The following SUFU variants were observed in gnomAD, a reference collection of about 807,000 sequenced individuals.
SUFU encodes the protein SUFU negative regulator of hedgehog signaling, also known as suppressor of fused homolog.
Under a neutral mutation model 58.9 loss-of-function variants are expected in SUFU, and 7 were observed. That is an observed-to-expected ratio of 0.12 (90% CI 0.07 to 0.22). SUFU has a LOEUF of 0.22. SUFU is among the 10% of genes least tolerant of loss of function. The probability of loss-of-function intolerance (pLI) is 1.00; values close to 1 mark genes in which losing one functional copy is unlikely to be tolerated. For missense variants in SUFU, 451 were observed against 641.3 expected (o/e 0.70, Z 3.20); for synonymous variants, 232 against 254.8 (o/e 0.91, Z 0.85).
In SUFU at chr10:102,612,266, G is replaced by A. The variant is rs527587597; in HGVS notation, c.1023-3002G>A. Among the ~76,000 whole-genome samples the A allele has an allele frequency of 3.8e-3, 584 of 151,768 alleles. 2 individuals carry two copies. The highest frequency in any genetic ancestry group is 0.013 in the African/African-American group (552 of 41,372). ...CGCGTTTCCATCGAAGCAGCATGCCGGAAATACCCAAGCTCCAGGACTGCA... is the reference window on the plus strand; with the variant it reads ...CGCGTTTCCATCGAAGCAGCATGCCAGAAATACCCAAGCTCCAGGACTGCA... On this transcript the variant is annotated intron_variant, in intron 8 of 11. Coordinates refer to ENST00000369902, the MANE Select transcript of SUFU (RefSeq NM_016169.4).
chr10:102,619,443 G>A lies in SUFU; in HGVS notation c.1296+2015G>A, dbSNP rs2063721269. 2 of 1,307,948 alleles carry A rather than the reference G, an allele frequency of 1.5e-6. No individual in the cohort carries two copies. The highest frequency in any genetic ancestry group is 2.0e-6 in the Non-Finnish European group (2 of 1,020,530). The allele number at this position is 1,307,948 out of a possible 1,614,324, so 81.0% of individuals were successfully genotyped here. A position where few individuals can be genotyped will look rare whatever the true frequency, so the allele number is the denominator to read the frequency against. On this transcript the variant is annotated intron_variant, in intron 10 of 11. Coordinates refer to ENST00000369902, the MANE Select transcript of SUFU (RefSeq NM_016169.4). This position sits in a 1 kb window ranked among gnomAD's most constrained non-coding sequence, Gnocchi z 4.2. ...GGCCTCGGCATGTTTCAATAAAGTT[G>A]CTGTGCTGGGAGCTACTCAATCAAA...
At chr10:102,626,823 T>A (rs950420964) in intron 10 of SUFU, among the ~76,000 whole-genome samples, 8 of 152,152 alleles carry the variant, frequency 5.3e-5, no homozygotes, top group Non-Finnish European at 1.0e-4. Flanking sequence ...TTTTTTCCTT[T>A]TAATTTTTCT....
chr10:102,568,921 C>T (rs7090733), intron 3 of SUFU, among the ~76,000 whole-genome samples: 1,067 of 9,084 alleles, frequency 0.12, 26 homozygotes, highest in Middle Eastern at 0.2. Flanking sequence ...TATATATATA[C>T]ACATATATAT....
chr10:102,589,742 G>A (rs1055714059), intron 3 of SUFU, among the ~76,000 whole-genome samples: 28 of 152,154 alleles, frequency 1.8e-4, no homozygotes, highest in African/African-American at 6.7e-4. Context: ...CACCACACCT[G>A]GCCTTTTATT....
chr10:102,515,362 G>T (rs560738696), intron 2 of SUFU, among the ~76,000 whole-genome samples: 1 of 149,238 alleles, frequency 6.7e-6, no homozygotes, highest in South Asian at 2.1e-4. Context: ...TGTCACCCAG[G>T]CTGGAGTGCA....
intron 3 of SUFU, among the ~76,000 whole-genome samples, chr10:102,551,520 C>A (rs1351552703): frequency 6.6e-6 from 1 of 151,656 alleles, no homozygotes; most frequent in East Asian, 2.0e-4. Flanking sequence ...CACCTGTAAT[C>A]CCAGCTACTC....
chr10:102,617,361 C>G lies in SUFU; in HGVS notation c.1229C>G (p.Ser410Cys). 1 of 1,614,262 alleles carries G rather than the reference C, an allele frequency of 6.2e-7. No homozygotes were observed. Among genetic ancestry groups the G allele is most frequent in the Non-Finnish European group, 8.5e-7 (1 of 1,180,048 alleles). ...GGTGACATGGCCATCACGTTTGTCT[C>G]CACGGGAGTGGAAGGCGCCTTTGCC... ...ITGDMAITFV[S>C]TGVEGAFATE... Residue 410 changes from serine (S) to cysteine (C), a missense_variant, in exon 10 of 12, where the codon TCC becomes TGC. Ser to Cys is a moderately radical substitution (Grantham distance 112). Transcript: ENST00000369902. The surrounding 1 kb of genome is among the most constrained non-coding windows in gnomAD (Gnocchi z 4.4).
Position 102,629,375 on chromosome 10 carries a change from G to A in SUFU, c.1366-691G>A, listed in dbSNP as rs1244375503. On this transcript the variant is annotated intron_variant, in intron 11 of 11. Coordinates refer to ENST00000369902, the MANE Select transcript of SUFU (RefSeq NM_016169.4). The surrounding 1 kb of genome is among the most constrained non-coding windows in gnomAD (Gnocchi z 4.7). The stretch of plus-strand genomic sequence containing the variant: ...AATCAGTGTATCCTGGGATGGGGTG[G>A]GAGACATTTGGCTCTCCTTGGCCAC... 6.6e-6 allele frequency among the ~76,000 whole-genome samples: 1 copy of A among 152,188 alleles called. No homozygotes were observed. The highest frequency in any genetic ancestry group is 1.5e-5 in the Non-Finnish European group (1 of 68,040).
At chr10:102,626,669 A>C (rs1286390138) in intron 10 of SUFU, among the ~76,000 whole-genome samples, 1 of 152,122 alleles carries the variant, frequency 6.6e-6, no homozygotes, top group Non-Finnish European at 1.5e-5. Context: ...TCCAGCTCAG[A>C]CATTCTTGGA....
intron 2 of SUFU, among the ~76,000 whole-genome samples, chr10:102,515,669 A>C (rs2062460321): frequency 6.6e-6 from 1 of 151,980 alleles, no homozygotes; most frequent in Non-Finnish European, 1.5e-5. Flanking sequence ...TTCGCCATAC[A>C]CATCTGTACT....
chr10:102,556,437 G>A (rs772119007), intron 3 of SUFU, among the ~76,000 whole-genome samples: 9 of 152,174 alleles, frequency 5.9e-5, no homozygotes, highest in Admixed American at 5.2e-4. Context: ...ATTTAGTTAG[G>A]ATTCTTCTAG....
chr10:102,568,635 A>T (rs1228001152), intron 3 of SUFU, among the ~76,000 whole-genome samples: 1 of 151,886 alleles, frequency 6.6e-6, no homozygotes, highest in African/African-American at 2.4e-5. Context: ...GCACTTTGGA[A>T]GGCCAAGGCA....
chr10:102,508,992 G>T (rs780084236), intron 1 of SUFU, among the ~76,000 whole-genome samples, 177 bp from the exon 2 acceptor site: 81 of 152,178 alleles, frequency 5.3e-4, no homozygotes, highest in Non-Finnish European at 8.4e-4. Flanking sequence ...GCAGAGTTGG[G>T]CAGCCTTAGC....
intron 8 of SUFU, among the ~76,000 whole-genome samples, chr10:102,607,090 ACT>A (rs1194383080): frequency 2.6e-4 from 37 of 144,886 alleles, no homozygotes; most frequent in East Asian, 2.4e-3. Flanking sequence ...ACGGCGTCTG[ACT>A]CTGTCGCCTT....
chr10:102,525,815 A>C (rs918384141), intron 2 of SUFU, among the ~76,000 whole-genome samples: 2 of 152,142 alleles, frequency 1.3e-5, no homozygotes, highest in African/African-American at 4.8e-5. Context: ...ATTTTCATAA[A>C]TTTTTAGAGC....
intron 1 of SUFU, among the ~76,000 whole-genome samples, chr10:102,504,647 C>A (rs2062301064): frequency 8.6e-6 from 1 of 116,480 alleles, no homozygotes. Flanking sequence ...GAGGGGGCGC[C>A]TGTAGGGGGT....
intron 6 of SUFU, among the ~76,000 whole-genome samples, chr10:102,596,196 C>T (rs1027279479): frequency 1.3e-5 from 2 of 152,160 alleles, no homozygotes; most frequent in Non-Finnish European, 2.9e-5. Flanking sequence ...CTGTACTTCT[C>T]CCACATGGGG....
intron 3 of SUFU, among the ~76,000 whole-genome samples, chr10:102,576,239 T>C (rs567349691): frequency 6.6e-6 from 1 of 152,290 alleles, no homozygotes; most frequent in South Asian, 2.1e-4. Context: ...AAACCCTCTT[T>C]ATCCATTTGG....
chr10:102,549,156 T>G (rs1590018136), intron 2 of SUFU, among the ~76,000 whole-genome samples: 2 of 151,732 alleles, frequency 1.3e-5, no homozygotes, highest in Middle Eastern at 3.4e-3. Flanking sequence ...GAGGTGGGAG[T>G]GGAGAAAGGG....
Sources: allele counts gnomAD v4.1 joint callset (sites outside exome capture counted in the v4.1 genomes callset), GRCh38; gene constraint gnomAD v4.1.1; non-coding constraint Gnocchi (gnomAD v3.1); transcripts MANE v1.5; gene names NCBI Gene and HGNC (gene_info 2026-07-23, HGNC 2026-07-21).